RIPOR3: variants seen among roughly 807,000 people sequenced by gnomAD.
RIPOR3 encodes RIPOR family member 3, also known as family with sequence similarity 65 member C.
In RIPOR3, 95 loss-of-function variants were observed where a neutral mutation model predicts 114.3. The observed-to-expected ratio is 0.83, with a 90% CI of 0.70 to 0.99. The LOEUF is 0.99. Ranked by LOEUF, RIPOR3 falls within the 50% of genes least tolerant of loss-of-function variation. The pLI is 0.00. For synonymous variants in RIPOR3, 575 were observed against 543.8 expected, an observed-to-expected ratio of 1.06 and a Z score of -0.80; for missense variants, 1,252 against 1,266.9, an observed-to-expected ratio of 0.99 and a Z score of 0.18.
chr20:50,672,655 A>T (rs1430241828), intron 1 of RIPOR3, among the ~76,000 whole-genome samples: 2 of 152,174 alleles, frequency 1.3e-5, no homozygotes, highest in Non-Finnish European at 2.9e-5. Flanking sequence ...GACACAGGGG[A>T]AGGGTCAGGC....
At chr20:50,691,041 C>T in intron 1 of RIPOR3, 85 bp downstream of exon 1, 1 of 1,287,830 alleles carries the variant, frequency 7.8e-7, no homozygotes, top group Non-Finnish European at 1.0e-6. Context: ...GAACGGCTGC[C>T]TCCTCCTGTC....
intron 1 of RIPOR3, among the ~76,000 whole-genome samples, chr20:50,661,027 C>G (rs917302136): frequency 1.3e-5 from 2 of 151,868 alleles, no homozygotes; most frequent in Non-Finnish European, 2.9e-5. Flanking sequence ...CACCTGAGGT[C>G]AGGAGTACAA....
chr20:50,687,119 G>A (rs992075397), intron 1 of RIPOR3, among the ~76,000 whole-genome samples: 1 of 152,254 alleles, frequency 6.6e-6, no homozygotes, highest in Non-Finnish European at 1.5e-5. Flanking sequence ...GCAGGAGACA[G>A]ACTAGAAACG....
At chr20:50,677,920 C>G (rs761817611) in intron 1 of RIPOR3, among the ~76,000 whole-genome samples, 2 of 142,698 alleles carry the variant, frequency 1.4e-5, no homozygotes, top group Non-Finnish European at 3.1e-5. Context: ...TGCACCTGTC[C>G]CGACCTCCCA....
intron 2 of RIPOR3, among the ~76,000 whole-genome samples, chr20:50,628,412 C>T (rs1474762089): frequency 1.3e-5 from 2 of 152,170 alleles, no homozygotes; most frequent in African/African-American, 4.8e-5. Context: ...CGCATGCCAG[C>T]CGCACACCTG....
chr20:50,589,339 GCT>G (rs1018896249), intron 20 of RIPOR3, among the ~76,000 whole-genome samples: 1 of 140,932 alleles, frequency 7.1e-6, no homozygotes, highest in Non-Finnish European at 1.5e-5. Flanking sequence ...ATGGAGTCTT[GCT>G]CTGTCACCCA....
intron 11 of RIPOR3, among the ~76,000 whole-genome samples, chr20:50,606,734 T>A (rs2083732735): frequency 6.6e-6 from 1 of 151,902 alleles, no homozygotes; most frequent in Non-Finnish European, 1.5e-5. Flanking sequence ...TGCCTTTTTT[T>A]TTTTTCTTTT....
At chr20:50,628,017 C>T (rs1224631300) in intron 2 of RIPOR3, among the ~76,000 whole-genome samples, 1 of 152,240 alleles carries the variant, frequency 6.6e-6, no homozygotes. Context: ...CCAGGTAACC[C>T]GCACAGCTGA....
intron 2 of RIPOR3, among the ~76,000 whole-genome samples, chr20:50,627,444 A>G (rs1009476508): frequency 6.7e-6 from 1 of 150,014 alleles, no homozygotes; most frequent in Non-Finnish European, 1.5e-5. Context: ...CAGGAGGCGG[A>G]GGTTGCAGTG....
chr20:50,589,388 A>C (rs1002137925), intron 20 of RIPOR3, among the ~76,000 whole-genome samples: 1 of 150,954 alleles, frequency 6.6e-6, no homozygotes, highest in Non-Finnish European at 1.5e-5. Context: ...GCTCACTGCA[A>C]CCTCCACCTC....
In RIPOR3 at chr20:50,602,090, G is replaced by T; in HGVS notation, c.1641C>A (p.Gly547=). The part of the protein sequence containing the change: ...QLRELEYQVL[G]FRDRLKPCRA... ...GCCATACCTTCAGCCGGTCCCGGAA[G>T]CCGAGGACCTGGTACTCCAGCTCCC... The change falls in exon 13 of 22, where the codon GGC becomes GGA. Residue 547 remains glycine, a synonymous_variant. Coordinates refer to ENST00000327979, the MANE Select transcript of RIPOR3 (RefSeq NM_001290268.2). This position sits in a 1 kb window ranked among gnomAD's most constrained non-coding sequence, Gnocchi z 4.3. 6.3e-7 allele frequency: 1 copy of T among 1,580,466 alleles called. No homozygotes were observed. The highest frequency in any genetic ancestry group is 8.6e-7 in the Non-Finnish European group (1 of 1,163,092).
chr20:50,609,438 G>A, intron 7 of RIPOR3, 82 bp from the exon 8 acceptor site: 2 of 1,547,070 alleles, frequency 1.3e-6, no homozygotes, highest in Non-Finnish European at 1.7e-6. Context: ...GCCAGACAGA[G>A]GCCACAGGCA....
intron 2 of RIPOR3, chr20:50,621,081 C>T (rs536381958): frequency 5.1e-6 from 2 of 391,734 alleles, no homozygotes; most frequent in East Asian, 7.5e-5. Context: ...AGACTGAGCC[C>T]CCTCCCCTGC....
chr20:50,628,526 T>A (rs536175183), intron 2 of RIPOR3, among the ~76,000 whole-genome samples: 2 of 151,990 alleles, frequency 1.3e-5, no homozygotes, highest in African/African-American at 4.8e-5. Context: ...CACGCGCAGA[T>A]CCACTTCTTC....
At chr20:50,655,484 C>T (rs1051711273) in intron 1 of RIPOR3, among the ~76,000 whole-genome samples, 1 of 152,170 alleles carries the variant, frequency 6.6e-6, no homozygotes, top group African/African-American at 2.4e-5. Context: ...ACAGCTGCAC[C>T]GAGTGAATCT....
rs765773762 is a variant in RIPOR3, at chr20:50,604,736, G to A, written c.995C>T (p.Pro332Leu). 1.2e-6 allele frequency: 2 copies of A among 1,608,848 alleles called. No individual in the cohort carries two copies. The highest frequency in any genetic ancestry group is 1.7e-6 in the Non-Finnish European group (2 of 1,178,034). Reference protein sequence around the residue: ...DTESFLVSPSPTGKFSMGSRK... With the variant: ...DTESFLVSPSLTGKFSMGSRK... ...GCTGCCCATAGAAAACTTGCCCGTG[G>A]GGCTGGGTGACACCAGGAAGCTCTC... The change falls in exon 12 of 22, where the codon CCC becomes CTC. Residue 332 changes from proline to leucine, a missense_variant. Pro to Leu is a moderately conservative substitution (Grantham distance 98, BLOSUM62 -3). Transcript: ENST00000327979.
At chr20:50,684,692 T>G (rs1452985627) in intron 1 of RIPOR3, among the ~76,000 whole-genome samples, 1 of 152,200 alleles carries the variant, frequency 6.6e-6, no homozygotes, top group African/African-American at 2.4e-5. Context: ...CCATGGCCGC[T>G]GGGACCAGGG....
chr20:50,626,539 A>C (rs2084626444), intron 2 of RIPOR3, among the ~76,000 whole-genome samples: 1 of 152,208 alleles, frequency 6.6e-6, no homozygotes. Flanking sequence ...AACGAGAGGC[A>C]GAGGCCTACC....
At chr20:50,689,598 G>T (rs1026317418) in intron 1 of RIPOR3, among the ~76,000 whole-genome samples, 4 of 152,198 alleles carry the variant, frequency 2.6e-5, no homozygotes, top group Admixed American at 1.3e-4. Context: ...GATTTTAGAG[G>T]TTTCCTGAAA....
Sources: gnomAD v4.1 joint callset for allele counts (sites outside exome capture counted in the v4.1 genomes callset) on GRCh38, gnomAD v4.1.1 for gene constraint, Gnocchi (gnomAD v3.1) non-coding constraint, MANE v1.5 for transcripts, NCBI Gene and HGNC (gene_info 2026-07-23, HGNC 2026-07-21) for gene names.